Variants in UBASH3B observed in about 807,000 individuals in gnomAD.
The protein encoded by UBASH3B is ubiquitin-associated and SH3 domain-containing protein B.
UBASH3B carries 37 observed loss-of-function variants against 83.4 expected under a neutral mutation model. The observed-to-expected ratio is 0.44, with a 90% confidence interval of 0.34 to 0.58. The LOEUF (loss-of-function observed/expected upper bound fraction) is 0.58, where lower values mean the gene tolerates loss of function less well. Among genes scored for constraint, UBASH3B ranks in the 20% least tolerant of loss-of-function variants. The probability of loss-of-function intolerance (pLI) is 0.01; values close to 1 mark genes in which losing one functional copy is unlikely to be tolerated. For synonymous variants in UBASH3B, 304 were observed against 318.3 expected (o/e 0.96, Z 0.48); for missense variants, 657 against 827.2 (o/e 0.79, Z 2.52).
At chr11:122,792,199 C>G (rs1396258175) in intron 6 of UBASH3B, among the ~76,000 whole-genome samples, 1 of 151,950 alleles carries the variant, frequency 6.6e-6, no homozygotes, top group Non-Finnish European at 1.5e-5. Context: ...ATCTTCACAG[C>G]TGCGATAAAG....
chr11:122,685,431 G>A (rs1591768288), intron 1 of UBASH3B, among the ~76,000 whole-genome samples: 2 of 152,304 alleles, frequency 1.3e-5, no homozygotes, highest in Non-Finnish European at 2.9e-5. Context: ...GTGTCTGCCT[G>A]TGAGTACTCC....
intron 1 of UBASH3B, among the ~76,000 whole-genome samples, chr11:122,715,262 C>T (rs1363643522): frequency 6.6e-6 from 1 of 152,200 alleles, no homozygotes; most frequent in East Asian, 1.9e-4. Context: ...ATGTTAAATG[C>T]TGACACAGTG....
chr11:122,724,898 G>A (rs1860704965), intron 1 of UBASH3B, among the ~76,000 whole-genome samples: 1 of 151,960 alleles, frequency 6.6e-6, no homozygotes, highest in South Asian at 2.1e-4. Context: ...AAAGGCACTT[G>A]GGACTCACTG....
intron 1 of UBASH3B, among the ~76,000 whole-genome samples, chr11:122,693,843 C>G (rs1008993441): frequency 6.6e-6 from 1 of 152,050 alleles, no homozygotes; most frequent in Non-Finnish European, 1.5e-5. Context: ...TGCACTCCAG[C>G]CTGGGTGACA....
intron 1 of UBASH3B, among the ~76,000 whole-genome samples, chr11:122,699,696 C>T (rs1275978253): frequency 6.6e-6 from 1 of 152,106 alleles, no homozygotes; most frequent in African/African-American, 2.4e-5. Flanking sequence ...GATCCTCCCA[C>T]CTCAGCCTCC....
chr11:122,690,188 A>ATATATATATATCCAAT (rs1863869238), intron 1 of UBASH3B, among the ~76,000 whole-genome samples: 1 of 21,902 alleles, frequency 4.6e-5, no homozygotes, highest in Non-Finnish European at 8.9e-5. Flanking sequence ...ATATATATAT[A>ATATATATATATCCAAT]TATATATATA....
At chr11:122,725,200 C>A (rs1860712619) in intron 1 of UBASH3B, among the ~76,000 whole-genome samples, 3 of 151,670 alleles carry the variant, frequency 2.0e-5, no homozygotes, top group Admixed American at 6.6e-5. Flanking sequence ...GAATTCCTGA[C>A]CTCAGGTGAT....
intron 1 of UBASH3B, among the ~76,000 whole-genome samples, chr11:122,747,722 A>G (rs1303470282): frequency 6.6e-6 from 1 of 152,218 alleles, no homozygotes; most frequent in Non-Finnish European, 1.5e-5. Flanking sequence ...CGCAATGAAA[A>G]TATTAGAGCT....
chr11:122,665,731 T>C (rs1863507446), intron 1 of UBASH3B, among the ~76,000 whole-genome samples: 1 of 152,238 alleles, frequency 6.6e-6, no homozygotes. Flanking sequence ...AGCCGTTTAC[T>C]AGTATGCAAT....
At chr11:122,729,695 C>T (rs1295971321) in intron 1 of UBASH3B, among the ~76,000 whole-genome samples, 2 of 145,544 alleles carry the variant, frequency 1.4e-5, no homozygotes, top group African/African-American at 5.1e-5. Context: ...CACAGTGGCT[C>T]ATGCCTGTAA....
chr11:122,797,604 T>C (rs59339458), intron 9 of UBASH3B, among the ~76,000 whole-genome samples: 2,088 of 152,326 alleles, frequency 0.014, 42 homozygotes, highest in African/African-American at 0.048. Flanking sequence ...CAATATGATA[T>C]ACATAGAGCT....
At chr11:122,715,188 G>A (rs1458066380) in intron 1 of UBASH3B, among the ~76,000 whole-genome samples, 2 of 152,068 alleles carry the variant, frequency 1.3e-5, no homozygotes, top group East Asian at 1.9e-4. Context: ...CTCGTGATCC[G>A]CCCGCCTCGG....
chr11:122,695,854 C>T (rs1341319747), intron 1 of UBASH3B, among the ~76,000 whole-genome samples: 2 of 152,206 alleles, frequency 1.3e-5, no homozygotes, highest in East Asian at 1.9e-4. Context: ...TTTAGAGCTA[C>T]GGGTGGTAGT....
intron 4 of UBASH3B, among the ~76,000 whole-genome samples, chr11:122,781,502 T>G (rs531449722): frequency 6.6e-6 from 1 of 152,218 alleles, no homozygotes; most frequent in Non-Finnish European, 1.5e-5. Flanking sequence ...AAGCCCCAGC[T>G]TTCCCTGTGG....
chr11:122,788,689 T>A (rs918284885), intron 5 of UBASH3B, among the ~76,000 whole-genome samples: 7 of 152,200 alleles, frequency 4.6e-5, no homozygotes, highest in Non-Finnish European at 7.4e-5. Flanking sequence ...AACCCCCGTA[T>A]GGAAGACTGG....
At chr11:122,776,977 C>G (rs774666890) in intron 2 of UBASH3B, 47 bp from the exon 3 acceptor site, 41 of 1,509,270 alleles carry the variant, frequency 2.7e-5, no homozygotes, top group Admixed American at 1.4e-4. Flanking sequence ...TTTTTCCCCT[C>G]CCATTATTCT....
intron 1 of UBASH3B, among the ~76,000 whole-genome samples, chr11:122,735,319 A>T (rs982735041): frequency 3.3e-5 from 5 of 152,198 alleles, no homozygotes; most frequent in African/African-American, 4.8e-5. Flanking sequence ...AGTCCCGAAC[A>T]TGTGGGTAAC....
Position 122,809,883 on chromosome 11 carries a change from A to G in UBASH3B, c.1947A>G (p.Glu649=), listed in dbSNP as rs374943404. 1.1e-5 allele frequency: 17 copies of G among 1,614,068 alleles called. No homozygotes were observed. The African/African-American group carries it at 2.0e-4, about 19-fold the overall frequency. The change falls in exon 14 of 14, where the codon GAA becomes GAG. Residue 649 remains glutamate, a synonymous_variant. Coordinates refer to ENST00000284273, the MANE Select transcript of UBASH3B (RefSeq NM_032873.5). ...GFNWRETLLQ[E] ...ACTGGAGAGAGACCTTGCTTCAAGA[A>G]TAAACCACACCAGTGAACAAGAAGG...
At chr11:122,696,789 G>A (rs764305627) in intron 1 of UBASH3B, among the ~76,000 whole-genome samples, 2 of 152,190 alleles carry the variant, frequency 1.3e-5, no homozygotes, top group Non-Finnish European at 2.9e-5. Flanking sequence ...AATACACGGA[G>A]AGCACCCCAG....
Sources: allele counts gnomAD v4.1 joint callset (sites outside exome capture counted in the v4.1 genomes callset), GRCh38; gene constraint gnomAD v4.1.1; transcripts MANE v1.5; gene names NCBI Gene and HGNC (gene_info 2026-07-23, HGNC 2026-07-21).